The following CDYL variants were observed in gnomAD, a reference collection of about 807,000 sequenced individuals.
CDYL encodes chromodomain Y like.
A neutral mutation model predicts 47.3 loss-of-function variants in CDYL; 8 were observed. That is an observed-to-expected ratio of 0.17 (90% CI 0.10 to 0.31). The LOEUF is 0.31. CDYL is among the 10% of genes least tolerant of loss of function. The probability of loss-of-function intolerance (pLI) is 1.00; values close to 1 mark genes in which losing one functional copy is unlikely to be tolerated. For missense variants in CDYL, 471 were observed against 701.4 expected, an observed-to-expected ratio of 0.67 and a Z score of 3.71; for synonymous variants, 266 against 265.0, an observed-to-expected ratio of 1.00 and a Z score of -0.04.
chr6:4,838,693 CT>C lies in CDYL; in HGVS notation c.25-53009del, dbSNP rs554942704. Among the ~76,000 whole-genome samples the C allele has an allele frequency of 4.8e-3, 701 of 144,612 alleles. 4 individuals are homozygous for C. Among genetic ancestry groups the C allele is most frequent in the African/African-American group, 0.015 (588 of 39,744 alleles). 94.9% of individuals were successfully genotyped at this position (144,612 alleles called of 152,430 possible). A position where few individuals can be genotyped will look rare whatever the true frequency, so the allele number is the denominator to read the frequency against. On this transcript the variant is annotated intron_variant, in intron 1 of 6. Coordinates refer to ENST00000397588, the MANE Select transcript of CDYL (RefSeq NM_004824.4). The stretch of plus-strand genomic sequence containing the variant: ...CTGGATCAGATGGTAGTTTTAGTTC[CT>C]TTTTTTTTTTGAGACAGAGTCTCCC...
intron 3 of CDYL, among the ~76,000 whole-genome samples, chr6:4,761,018 T>G (rs1758166672): frequency 6.6e-6 from 1 of 152,204 alleles, no homozygotes; most frequent in Non-Finnish European, 1.5e-5. Context: ...CAGCCCACTC[T>G]TCTGACTATA....
intron 1 of CDYL, among the ~76,000 whole-genome samples, chr6:4,824,113 T>C (rs1759914838): frequency 1.3e-5 from 2 of 152,216 alleles, no homozygotes; most frequent in Admixed American, 6.5e-5. Context: ...TACACCACAT[T>C]TTATGTATCC....
intron 1 of CDYL, among the ~76,000 whole-genome samples, chr6:4,778,780 C>T (rs9504250): frequency 6.6e-6 from 1 of 152,142 alleles, no homozygotes; most frequent in Non-Finnish European, 1.5e-5. Flanking sequence ...TGTAACTTTT[C>T]TTTTACTTGT....
chr6:4,916,332 C>T (rs1170661582), intron 2 of CDYL, among the ~76,000 whole-genome samples: 1 of 152,204 alleles, frequency 6.6e-6, no homozygotes, highest in Non-Finnish European at 1.5e-5. Flanking sequence ...CTCTAGCCTT[C>T]TCTTAGGAGA....
intron 2 of CDYL, among the ~76,000 whole-genome samples, chr6:4,725,806 C>T (rs1757501965): frequency 6.6e-6 from 1 of 152,258 alleles, no homozygotes; most frequent in African/African-American, 2.4e-5. Flanking sequence ...GGCGCCAAGG[C>T]CGAGGAGGCG....
chr6:4,771,478 T>C (rs1008788224), upstream of CDYL, among the ~76,000 whole-genome samples: 1 of 152,146 alleles, frequency 6.6e-6, no homozygotes, highest in Admixed American at 6.6e-5. Context: ...GAACCACACT[T>C]TGAGAACTTC....
chr6:4,915,914 G>T (rs993244621), intron 2 of CDYL, among the ~76,000 whole-genome samples: 1 of 152,156 alleles, frequency 6.6e-6, no homozygotes, highest in Non-Finnish European at 1.5e-5. Flanking sequence ...CTAAACTCAA[G>T]CATTTCTTTA....
chr6:4,769,957 C>T (rs933046670), intron 3 of CDYL, among the ~76,000 whole-genome samples: 1 of 145,738 alleles, frequency 6.9e-6, no homozygotes, highest in Non-Finnish European at 1.5e-5. Flanking sequence ...CCACCACGCC[C>T]GGCTAATTTG....
intron 1 of CDYL, among the ~76,000 whole-genome samples, chr6:4,832,332 A>G (rs1403387248): frequency 6.6e-6 from 1 of 151,922 alleles, no homozygotes; most frequent in Non-Finnish European, 1.5e-5. Flanking sequence ...TATTGAGATA[A>G]TCATGTGGTT....
At chr6:4,731,440 G>A (rs1757603068) in intron 2 of CDYL, among the ~76,000 whole-genome samples, 1 of 152,090 alleles carries the variant, frequency 6.6e-6, no homozygotes, top group African/African-American at 2.4e-5. Context: ...TCTATGTCAG[G>A]TGCCCCTGGC....
intron 2 of CDYL, among the ~76,000 whole-genome samples, chr6:4,894,364 G>A (rs1044390200): frequency 4.6e-5 from 7 of 152,196 alleles, no homozygotes; most frequent in Admixed American, 4.6e-4. Context: ...AAAAAGGACT[G>A]ATGAGCTATA....
At chr6:4,852,547 CCTTCCTTCCTTCCAAT>C (rs1760878514) in intron 1 of CDYL, among the ~76,000 whole-genome samples, 5 of 139,698 alleles carry the variant, frequency 3.6e-5, no homozygotes, top group African/African-American at 8.6e-5. Context: ...TTCCTTCCTT[CCTTCCTTCCTTCCAAT>C]CTTCCTTCCT....
At chr6:4,859,720 A>G (rs1170654907) in intron 1 of CDYL, among the ~76,000 whole-genome samples, 1 of 151,972 alleles carries the variant, frequency 6.6e-6, no homozygotes, top group East Asian at 1.9e-4. Flanking sequence ...TCTAACTTAG[A>G]TGTTTGGTGA....
At chr6:4,822,998 G>A (rs796754278) in intron 1 of CDYL, among the ~76,000 whole-genome samples, 10 of 152,260 alleles carry the variant, frequency 6.6e-5, no homozygotes, top group African/African-American at 2.4e-4. Context: ...GTGCTCTGAC[G>A]TAGACATGGC....
At chr6:4,863,099 A>G (rs1164164663) in intron 1 of CDYL, among the ~76,000 whole-genome samples, 1 of 152,230 alleles carries the variant, frequency 6.6e-6, no homozygotes, top group Admixed American at 6.5e-5. Flanking sequence ...TTAATGCAGA[A>G]ACAGAAAATC....
chr6:4,796,602 G>A (rs1407753439), intron 1 of CDYL, among the ~76,000 whole-genome samples: 4 of 152,062 alleles, frequency 2.6e-5, no homozygotes, highest in East Asian at 3.9e-4. Context: ...ATTCATGATC[G>A]TTTATTGTAT....
chr6:4,799,009 T>A (rs1759150406), intron 1 of CDYL, among the ~76,000 whole-genome samples: 1 of 152,224 alleles, frequency 6.6e-6, no homozygotes, highest in African/African-American at 2.4e-5. Flanking sequence ...TCTGTTTTGG[T>A]TTCTTAAGGT....
At chr6:4,850,809 T>G (rs1760802317) in intron 1 of CDYL, among the ~76,000 whole-genome samples, 1 of 152,206 alleles carries the variant, frequency 6.6e-6, no homozygotes, top group Non-Finnish European at 1.5e-5. Context: ...CCATATAATT[T>G]GGATATTTAA....
At chr6:4,826,347 A>G (rs2127451273) in intron 1 of CDYL, among the ~76,000 whole-genome samples, 1 of 151,928 alleles carries the variant, frequency 6.6e-6, no homozygotes, top group South Asian at 2.1e-4. Flanking sequence ...TCTATTCTCT[A>G]TGTATCTTAC....
Sources: allele counts gnomAD v4.1 joint callset (sites outside exome capture counted in the v4.1 genomes callset), GRCh38; gene constraint gnomAD v4.1.1; transcripts MANE v1.5; gene names NCBI Gene and HGNC (gene_info 2026-07-23, HGNC 2026-07-21).